Variants in GALNT10 observed in about 807,000 individuals in gnomAD.
GALNT10 encodes the protein GalNAc transferase 10.
A neutral mutation model predicts 75.0 loss-of-function variants in GALNT10; 41 were observed. The ratio of observed to expected loss-of-function variants is 0.55; its 90% CI spans 0.43 to 0.71. GALNT10 has a LOEUF of 0.71. Among genes scored for constraint, GALNT10 ranks in the 30% least tolerant of loss-of-function variants. The pLI, the probability that GALNT10 is intolerant of heterozygous loss-of-function variation, is 0.00. For synonymous variants in GALNT10, 302 were observed against 313.0 expected, an observed-to-expected ratio of 0.96 and a Z score of 0.37; for missense variants, 727 against 818.5, an observed-to-expected ratio of 0.89 and a Z score of 1.36.
In GALNT10 at chr5:154,404,211, G is replaced by A; in HGVS notation, c.1164G>A (p.Arg388=). ...TCCCGGCCGGAGTCAGCCTGGCCCGGGTAAGGTGGTGGCTTTCCTTGGCGG... is the reference window on the plus strand; with the variant it reads ...TCCCGGCCGGAGTCAGCCTGGCCCGAGTAAGGTGGTGGCTTTCCTTGGCGG... ...YKVPAGVSLA[R]NLKRVAEVWM... is the part of the protein sequence containing the mutation. Residue 388 remains arginine (R), a splice_region_variant and synonymous_variant, in exon 8 of 12, where the codon CGG becomes CGA. Coordinates refer to ENST00000297107, the MANE Select transcript of GALNT10 (RefSeq NM_198321.4). The A allele has an allele frequency of 6.3e-7, 1 of 1,579,976 alleles. No individual in the cohort carries two copies. Among genetic ancestry groups the A allele is most frequent in the Non-Finnish European group, 8.6e-7 (1 of 1,159,414 alleles).
At chr5:154,195,579 A>C (rs1024173315) in intron 1 of GALNT10, among the ~76,000 whole-genome samples, 16 of 152,226 alleles carry the variant, frequency 1.1e-4, no homozygotes, top group African/African-American at 3.9e-4. Flanking sequence ...CAGAGCAGGC[A>C]GGGGGCTGCA....
chr5:154,228,174 G>A (rs1431954478), intron 1 of GALNT10, among the ~76,000 whole-genome samples: 1 of 152,162 alleles, frequency 6.6e-6, no homozygotes, highest in Non-Finnish European at 1.5e-5. Flanking sequence ...TCAGAACCGT[G>A]AGCCAATTAA....
intron 1 of GALNT10, among the ~76,000 whole-genome samples, chr5:154,210,134 C>A (rs1775172253): frequency 6.6e-6 from 1 of 152,086 alleles, no homozygotes; most frequent in Non-Finnish European, 1.5e-5. Context: ...TAAATTATGC[C>A]ACTGGGAAAG....
chr5:154,318,453 A>G (rs1184081450), intron 3 of GALNT10, among the ~76,000 whole-genome samples: 1 of 151,970 alleles, frequency 6.6e-6, no homozygotes, highest in Non-Finnish European at 1.5e-5. Flanking sequence ...TAATATATAT[A>G]TATATATAAA....
chr5:154,300,395 G>A (rs1005202454), intron 3 of GALNT10, among the ~76,000 whole-genome samples: 6 of 152,134 alleles, frequency 3.9e-5, no homozygotes, highest in African/African-American at 9.7e-5. Flanking sequence ...GCTGCACCTG[G>A]ATGGTTTTTT....
intron 4 of GALNT10, among the ~76,000 whole-genome samples, chr5:154,333,569 C>A (rs1159785061): frequency 6.6e-6 from 1 of 152,086 alleles, no homozygotes; most frequent in African/African-American, 2.4e-5. Context: ...CCCTCCCCCA[C>A]CAGTAAAGTA....
At chr5:154,337,829 T>C in intron 4 of GALNT10, 4 of 1,014,142 alleles carry the variant, frequency 3.9e-6, no homozygotes, top group Non-Finnish European at 6.2e-6. Context: ...CACCAAAGTT[T>C]CCAGAGCCAC....
intron 1 of GALNT10, among the ~76,000 whole-genome samples, chr5:154,288,785 G>A (rs751827183): frequency 6.6e-6 from 1 of 152,210 alleles, no homozygotes; most frequent in Non-Finnish European, 1.5e-5. Flanking sequence ...AAATCCAGAC[G>A]TGATCTTTTA....
At chr5:154,395,390 C>G (rs1197455316) in intron 7 of GALNT10, among the ~76,000 whole-genome samples, 1 of 152,200 alleles carries the variant, frequency 6.6e-6, no homozygotes, top group Non-Finnish European at 1.5e-5. Flanking sequence ...AACCTCTCCT[C>G]TTTATATTAT....
At chr5:154,250,659 G>A (rs1024643068) in intron 1 of GALNT10, among the ~76,000 whole-genome samples, 2 of 152,124 alleles carry the variant, frequency 1.3e-5, no homozygotes, top group Non-Finnish European at 2.9e-5. Context: ...GAAGGAGGAG[G>A]GGGTTAGAGT....
chr5:154,408,884 AGC>A, intron 8 of GALNT10, among the ~76,000 whole-genome samples: 1 of 152,206 alleles, frequency 6.6e-6, no homozygotes, highest in East Asian at 1.9e-4. Context: ...AGGTAGCTCT[AGC>A]TTCAGACATG....
chr5:154,280,529 A>G (rs1754024991), intron 1 of GALNT10, among the ~76,000 whole-genome samples: 1 of 152,218 alleles, frequency 6.6e-6, no homozygotes, highest in Non-Finnish European at 1.5e-5. Context: ...CCCTATAAGT[A>G]TGTACAATTA....
chr5:154,269,092 T>C (rs1753820592), intron 1 of GALNT10, among the ~76,000 whole-genome samples: 1 of 92,320 alleles, frequency 1.1e-5, no homozygotes, highest in Non-Finnish European at 2.2e-5. Context: ...TTCAGGTGAT[T>C]CCCCTGCCTC....
At chr5:154,364,605 T>A (rs1470316271) in intron 4 of GALNT10, among the ~76,000 whole-genome samples, 1 of 152,170 alleles carries the variant, frequency 6.6e-6, no homozygotes, top group Non-Finnish European at 1.5e-5. Context: ...GCAGGAAAAC[T>A]TCCCCCAGGA....
chr5:154,281,870 C>G (rs1754043327), intron 1 of GALNT10, among the ~76,000 whole-genome samples: 1 of 152,136 alleles, frequency 6.6e-6, no homozygotes, highest in African/African-American at 2.4e-5. Context: ...ACCTCGTGGT[C>G]CATCATGGTG....
intron 4 of GALNT10, among the ~76,000 whole-genome samples, chr5:154,361,012 T>C (rs1200658480): frequency 6.6e-6 from 1 of 152,214 alleles, no homozygotes; most frequent in African/African-American, 2.4e-5. Context: ...AAATTGTTTA[T>C]TAAAAAGATT....
Position 154,386,338 on chromosome 5 carries a change from T to C in GALNT10, c.964T>C (p.Phe322Leu), listed in dbSNP as rs1191337886. ...GTCTCCCGTGATGGCCGGTGGACTG[T>C]TCGCCGTGGATCGGAAGTGGTTCTG... is the stretch of plus-strand genomic sequence containing the variant. ...FESPVMAGGLFAVDRKWFWEL... is the reference protein window; with the variant it reads ...FESPVMAGGLLAVDRKWFWEL... The change falls in exon 7 of 12, where the codon TTC (phenylalanine) becomes CTC (leucine). Residue 322 changes from phenylalanine to leucine, a missense_variant. Coordinates refer to ENST00000297107, the MANE Select transcript of GALNT10 (RefSeq NM_198321.4). 1 of 1,614,014 alleles carries C rather than the reference T, an allele frequency of 6.2e-7. No homozygotes were observed. Among genetic ancestry groups the C allele is most frequent in the Admixed American group, 1.7e-5 (1 of 60,018 alleles).
chr5:154,298,910 G>A lies in GALNT10; in HGVS notation c.401+831G>A, dbSNP rs953105471. On this transcript the variant is annotated intron_variant, in intron 3 of 11. Transcript: ENST00000297107. The surrounding 1 kb of genome is among the most constrained non-coding windows in gnomAD (Gnocchi z 4.1). ...TCAGTAGGTCTGGATGGGGGCCCAA[G>A]AACTTCCATTTCAAATAGGCTCCCT... Among the ~76,000 whole-genome samples the A allele has an allele frequency of 3.9e-5, 6 of 152,148 alleles. No homozygotes were observed. Among genetic ancestry groups the A allele is most frequent in the African/African-American group, 1.4e-4 (6 of 41,416 alleles).
At chr5:154,345,657 A>C (rs2443514) in intron 4 of GALNT10, among the ~76,000 whole-genome samples, 102,021 of 134,276 alleles carry the variant, frequency 0.76, 38,871 homozygotes, top group East Asian at 0.87. Context: ...TTTTTTAAGA[A>C]AGAGTTTCAC....
Sources: gnomAD v4.1 joint callset for allele counts (sites outside exome capture counted in the v4.1 genomes callset) on GRCh38, gnomAD v4.1.1 for gene constraint, Gnocchi (gnomAD v3.1) non-coding constraint, MANE v1.5 for transcripts, NCBI Gene and HGNC (gene_info 2026-07-23, HGNC 2026-07-21) for gene names.